The following RBFOX1 variants were observed in gnomAD, a reference collection of about 807,000 sequenced individuals.
The protein encoded by RBFOX1 is RNA binding fox-1 homolog 1.
In RBFOX1, 8 loss-of-function variants were observed where a neutral mutation model predicts 57.7. That is an observed-to-expected ratio of 0.14 (90% CI 0.08 to 0.25). The LOEUF (loss-of-function observed/expected upper bound fraction) is 0.25, where lower values mean the gene tolerates loss of function less well. RBFOX1 is among the 10% of genes least tolerant of loss of function. The pLI, the probability that RBFOX1 is intolerant of heterozygous loss-of-function variation, is 1.00. For synonymous variants in RBFOX1, 326 were observed against 222.4 expected (o/e 1.47, Z -4.15); for missense variants, 611 against 548.5 (o/e 1.11, Z -1.14).
At position 6,816,730 on chromosome 16, in the gene RBFOX1, A is replaced by T. The variant is rs1336144987; in HGVS notation, c.-16+162080A>T. 6.9e-4 allele frequency among the ~76,000 whole-genome samples: 96 copies of T among 139,580 alleles called. 1 individual carries two copies. The highest frequency in any genetic ancestry group is 3.7e-3 in the Middle Eastern group (1 of 268). 91.6% of individuals were successfully genotyped at this position (139,580 alleles called of 152,430 possible). A position where few individuals can be genotyped will look rare whatever the true frequency, so the allele number is the denominator to read the frequency against. The stretch of plus-strand genomic sequence containing the variant: ...ACTCCAGCCTGGGTGACAGAGCAAG[A>T]CTGTCTCAAAAAAAAAAAAAAAAGG... On this transcript the variant is annotated intron_variant, in intron 3 of 15. Transcript: ENST00000550418.
chr16:6,249,424 C>G (rs2097589274), intron 1 of RBFOX1, among the ~76,000 whole-genome samples: 1 of 152,068 alleles, frequency 6.6e-6, no homozygotes, highest in Non-Finnish European at 1.5e-5. Context: ...ACTCGGGAGA[C>G]TGAGGCAGAG....
chr16:5,599,137 T>G, exon 3 of RBFOX1: 2 of 570,964 alleles, frequency 3.5e-6, no homozygotes, highest in Non-Finnish European at 5.8e-6. Flanking sequence ...GCACAATTTC[T>G]ATCACTTGGG....
chr16:6,936,496 C>G (rs948965944), intron 3 of RBFOX1, among the ~76,000 whole-genome samples: 9 of 152,110 alleles, frequency 5.9e-5, no homozygotes, highest in Non-Finnish European at 1.2e-4. Flanking sequence ...GAGTAATTGA[C>G]TCCCGACTAT....
chr16:6,024,073 G>T (rs1048712300), intron 1 of RBFOX1, among the ~76,000 whole-genome samples: 3 of 152,162 alleles, frequency 2.0e-5, no homozygotes, highest in African/African-American at 7.2e-5. Context: ...TTTTGAATCT[G>T]TAGTCATTGT....
At chr16:5,795,408 A>G (rs374009561) in intron 3 of RBFOX1, among the ~76,000 whole-genome samples, 1 of 151,566 alleles carries the variant, frequency 6.6e-6, no homozygotes, top group African/African-American at 2.4e-5. Context: ...GGCTCAAGTG[A>G]TCCTCCTGCC....
At chr16:6,871,577 C>G (rs187668401) in intron 3 of RBFOX1, among the ~76,000 whole-genome samples, 39 of 152,164 alleles carry the variant, frequency 2.6e-4, no homozygotes, top group African/African-American at 8.9e-4. Context: ...CTGACTGAAA[C>G]TTTTTGCTTC....
chr16:7,362,732 T>C (rs898549691), intron 4 of RBFOX1, among the ~76,000 whole-genome samples: 1 of 152,146 alleles, frequency 6.6e-6, no homozygotes, highest in Non-Finnish European at 1.5e-5. Context: ...CATGTTCTTG[T>C]ATATATGTTT....
At chr16:5,882,373 A>C (rs2057784733) in intron 4 of RBFOX1, among the ~76,000 whole-genome samples, 1 of 152,300 alleles carries the variant, frequency 6.6e-6, no homozygotes, top group African/African-American at 2.4e-5. Context: ...TTTACAGGAA[A>C]GATTTATGGG....
intron 1 of RBFOX1, among the ~76,000 whole-genome samples, chr16:5,388,797 G>C (rs891642300): frequency 9.2e-5 from 14 of 151,886 alleles, no homozygotes; most frequent in Non-Finnish European, 1.8e-4. Flanking sequence ...GGCTGGTCTC[G>C]AGCTCCTGAC....
intron 3 of RBFOX1, among the ~76,000 whole-genome samples, chr16:5,762,742 A>G (rs7185919): frequency 0.053 from 8,079 of 152,292 alleles, 633 homozygotes; most frequent in African/African-American, 0.17. Context: ...AATCCTTTGC[A>G]GCCATTAAAT....
chr16:6,875,060 G>T (rs2061589393), intron 3 of RBFOX1, among the ~76,000 whole-genome samples: 1 of 152,014 alleles, frequency 6.6e-6, no homozygotes, highest in Non-Finnish European at 1.5e-5. Flanking sequence ...TCAAGAACAG[G>T]GCGAAAAAAA....
chr16:6,537,303 T>A (rs17191965), intron 2 of RBFOX1, among the ~76,000 whole-genome samples: 14,306 of 152,154 alleles, frequency 0.094, 867 homozygotes, highest in Middle Eastern at 0.15. Flanking sequence ...GCAACAGAAA[T>A]GTATTTGTAC....
At chr16:6,558,915 C>T (rs550982828) in intron 2 of RBFOX1, among the ~76,000 whole-genome samples, 1 of 152,096 alleles carries the variant, frequency 6.6e-6, no homozygotes. Context: ...ATGTGCCCCT[C>T]CTGCCTCACC....
chr16:6,700,880 A>G (rs1187007191), intron 3 of RBFOX1, among the ~76,000 whole-genome samples: 1 of 152,132 alleles, frequency 6.6e-6, no homozygotes, highest in Non-Finnish European at 1.5e-5. Context: ...AATGCTCCAA[A>G]TATCCTCTTT....
chr16:5,331,616 A>G (rs922116556), intron 1 of RBFOX1, among the ~76,000 whole-genome samples: 1 of 152,266 alleles, frequency 6.6e-6, no homozygotes, highest in African/African-American at 2.4e-5. Flanking sequence ...AGCCAGTCAC[A>G]TGGCCAAACA....
chr16:6,911,523 A>C (rs544660039), intron 3 of RBFOX1, among the ~76,000 whole-genome samples: 8 of 152,194 alleles, frequency 5.3e-5, no homozygotes, highest in African/African-American at 1.7e-4. Flanking sequence ...TCCCTGTCCA[A>C]ATTTCCCCTT....
intron 15 of RBFOX1, 86 bp from the exon 16 acceptor site, chr16:7,710,535 GTC>G: frequency 6.3e-7 from 1 of 1,583,220 alleles, no homozygotes; most frequent in Non-Finnish European, 8.5e-7. Flanking sequence ...GGTTTTGAGT[GTC>G]TATTTTTCAC....
intron 4 of RBFOX1, among the ~76,000 whole-genome samples, chr16:7,158,667 C>T (rs1025790278): frequency 6.7e-6 from 1 of 148,312 alleles, no homozygotes; most frequent in Non-Finnish European, 1.5e-5. Context: ...TGCGTGCACG[C>T]ACGTATGTGT....
intron 9 of RBFOX1, among the ~76,000 whole-genome samples, chr16:7,602,621 C>T (rs191908542): frequency 3.3e-5 from 5 of 152,214 alleles, no homozygotes; most frequent in African/African-American, 7.2e-5. Flanking sequence ...GAGGAGGAGT[C>T]ACAGGGAATG....
Sources: gnomAD v4.1 joint callset for allele counts (sites outside exome capture counted in the v4.1 genomes callset) on GRCh38, gnomAD v4.1.1 for gene constraint, MANE v1.5 for transcripts, NCBI Gene and HGNC (gene_info 2026-07-23, HGNC 2026-07-21) for gene names.